FAM171A1: variants seen among roughly 807,000 people sequenced by gnomAD.
FAM171A1 encodes the protein family with sequence similarity 171 member A1, also known as protein FAM171A1.
In FAM171A1, 23 loss-of-function variants were observed where a neutral mutation model predicts 74.9. The ratio of observed to expected loss-of-function variants is 0.31; its 90% CI spans 0.22 to 0.44. FAM171A1 has a LOEUF of 0.44. Ranked by LOEUF, FAM171A1 falls within the 20% of genes least tolerant of loss-of-function variation. The pLI is 1.00. For synonymous variants in FAM171A1, 527 were observed against 505.7 expected (o/e 1.04, Z -0.57); for missense variants, 1,162 against 1,159.2 (o/e 1.00, Z -0.03).
chr10:15,285,213 A>G (rs570120008), intron 1 of FAM171A1, among the ~76,000 whole-genome samples: 2 of 152,348 alleles, frequency 1.3e-5, no homozygotes, highest in South Asian at 4.1e-4. Flanking sequence ...GCTTAGAGGC[A>G]GGAAGACGCC....
chr10:15,298,138 C>G (rs1300727805), intron 1 of FAM171A1, among the ~76,000 whole-genome samples: 1 of 146,882 alleles, frequency 6.8e-6, no homozygotes, highest in South Asian at 2.1e-4. Flanking sequence ...TTTTCTTTTT[C>G]TTTTTTGAGA....
At chr10:15,233,940 A>C (rs1290130023) in intron 5 of FAM171A1, among the ~76,000 whole-genome samples, 1 of 152,086 alleles carries the variant, frequency 6.6e-6, no homozygotes, top group African/African-American at 2.4e-5. Context: ...AAAATGTGAT[A>C]CATGGCTGGA....
At chr10:15,233,996 A>T (rs1834247021) in intron 5 of FAM171A1, among the ~76,000 whole-genome samples, 1 of 152,146 alleles carries the variant, frequency 6.6e-6, no homozygotes, top group Non-Finnish European at 1.5e-5. Context: ...GGTCTTATGC[A>T]ACCTTGGAAG....
At position 15,329,501 on chromosome 10, in the gene FAM171A1, C is replaced by G. The variant is rs1028742188; in HGVS notation, c.97+41455G>C. Among the ~76,000 whole-genome samples, 5 of 152,228 alleles carry G rather than the reference C, an allele frequency of 3.3e-5. No individual in the cohort carries two copies. In the East Asian group the frequency reaches 7.7e-4, roughly 24 times the overall value. On this transcript the variant is annotated intron_variant, in intron 1 of 7. Transcript: ENST00000378116. Reference sequence around the variant, plus strand: ...ATTAGCCAGGCACACCTGTGCACATCTGGAGTCCCAGCTACTCAGGAGAAT... The same window carrying G: ...ATTAGCCAGGCACACCTGTGCACATGTGGAGTCCCAGCTACTCAGGAGAAT...
intron 3 of FAM171A1, among the ~76,000 whole-genome samples, chr10:15,256,220 G>T (rs930673054): frequency 6.6e-6 from 1 of 152,122 alleles, no homozygotes; most frequent in African/African-American, 2.4e-5. Context: ...TTTAACTCTG[G>T]ATCAAAGAAC....
At chr10:15,372,584 A>G (rs991781472), upstream of FAM171A1, among the ~76,000 whole-genome samples, 3 of 151,678 alleles carry the variant, frequency 2.0e-5, no homozygotes, top group Non-Finnish European at 4.4e-5. Flanking sequence ...TGTGGTCCCA[A>G]CTACTCAGGA....
At chr10:15,363,936 C>T (rs1836027715) in intron 1 of FAM171A1, among the ~76,000 whole-genome samples, 1 of 151,316 alleles carries the variant, frequency 6.6e-6, no homozygotes, top group Non-Finnish European at 1.5e-5. Flanking sequence ...TCAAATGGCC[C>T]TGGGCCCTGG....
In FAM171A1 at chr10:15,283,861, G is replaced by T; in HGVS notation, c.325+17C>A. On this transcript the variant is annotated intron_variant, in intron 2 of 7. Coordinates refer to ENST00000378116, the MANE Select transcript of FAM171A1 (RefSeq NM_001010924.2). ...GCCAATGCCCTCTGTGTTAAAGAAA[G>T]ATGAGGAACGCCTTACCAGGTAACC... The T allele has an allele frequency of 6.2e-7, 1 of 1,612,826 alleles. No homozygotes were observed.
At chr10:15,358,281 CT>C (rs1243867186) in intron 1 of FAM171A1, among the ~76,000 whole-genome samples, 1 of 152,016 alleles carries the variant, frequency 6.6e-6, no homozygotes, top group Non-Finnish European at 1.5e-5. Flanking sequence ...TGTCTAGAAG[CT>C]TTTTTAAAAA....
intron 1 of FAM171A1, among the ~76,000 whole-genome samples, chr10:15,349,761 G>T (rs1325665761): frequency 1.3e-5 from 2 of 152,080 alleles, no homozygotes; most frequent in Non-Finnish European, 2.9e-5. Flanking sequence ...TCTTGAAAGA[G>T]GTGGAACTTT....
At position 15,213,002 on chromosome 10, in the gene FAM171A1, G is replaced by T; in HGVS notation, c.2586C>A (p.Asp862Glu). 6.2e-7 allele frequency: 1 copy of T among 1,613,886 alleles called. No individual in the cohort carries two copies. Among genetic ancestry groups the T allele is most frequent in the Non-Finnish European group, 8.5e-7 (1 of 1,179,986 alleles). ...CTTCTCCTTGGTCATCATCATCATC[G>T]TCTTCCTCTTCCTCGTGGGCAGATC... Reference protein sequence around the residue: ...QRRSAHEEEEDDDDDDQGEDK... With the variant: ...QRRSAHEEEEEDDDDDQGEDK... Residue 862 changes from aspartate to glutamate, a missense_variant, in exon 8 of 8, where the codon GAC (aspartate) becomes GAA (glutamate). Asp to Glu is a conservative substitution (Grantham distance 45, BLOSUM62 2). Transcript: ENST00000378116. This position sits in a 1 kb window ranked among gnomAD's most constrained non-coding sequence, Gnocchi z 6.8.
chr10:15,307,646 CA>C lies in FAM171A1; in HGVS notation c.98-23542del, dbSNP rs560861841. ...GGGCAACAAGAGTGAAACTCCATTT[CA>C]AAAAAAAAAAAAAAAAAAAAAAATG... On this transcript the variant is annotated intron_variant, in intron 1 of 7. Transcript: ENST00000378116. Among the ~76,000 whole-genome samples, 677 of 93,088 alleles carry C rather than the reference CA, an allele frequency of 7.3e-3. 1 individual carries two copies. Among genetic ancestry groups the C allele is most frequent in the Middle Eastern group, 0.017 (3 of 180 alleles). 61.1% of individuals were successfully genotyped at this position (93,088 alleles called of 152,430 possible).
chr10:15,307,351 A>C (rs947184347), intron 1 of FAM171A1, among the ~76,000 whole-genome samples: 1 of 152,152 alleles, frequency 6.6e-6, no homozygotes, highest in Non-Finnish European at 1.5e-5. Context: ...CTTAAAGTAG[A>C]AAGCGACTTG....
intron 4 of FAM171A1, among the ~76,000 whole-genome samples, chr10:15,250,496 G>A (rs555274361): frequency 9.8e-5 from 15 of 152,346 alleles, no homozygotes; most frequent in African/African-American, 3.1e-4. Context: ...GCGCAGTGGC[G>A]CATGCCTGTA....
chr10:15,372,264 T>TC (rs1486285295), upstream of FAM171A1, among the ~76,000 whole-genome samples: 10 of 151,760 alleles, frequency 6.6e-5, no homozygotes, highest in South Asian at 2.1e-4. Flanking sequence ...GTTAGCATTA[T>TC]CCCCCCCATT....
At chr10:15,290,065 T>C (rs1331408409) in intron 1 of FAM171A1, among the ~76,000 whole-genome samples, 1 of 152,116 alleles carries the variant, frequency 6.6e-6, no homozygotes. Context: ...CCGTCTCTAC[T>C]AAAAATACAA....
chr10:15,333,866 A>AG (rs1319217629), intron 1 of FAM171A1, among the ~76,000 whole-genome samples: 4 of 151,670 alleles, frequency 2.6e-5, no homozygotes, highest in Non-Finnish European at 5.9e-5. Flanking sequence ...ACTAAAAAAA[A>AG]AAACTATTTC....
At chr10:15,268,076 G>A (rs1834770911) in intron 3 of FAM171A1, among the ~76,000 whole-genome samples, 1 of 152,192 alleles carries the variant, frequency 6.6e-6, no homozygotes, top group Non-Finnish European at 1.5e-5. Context: ...CCGGCTGTGT[G>A]GGAAGCCCTG....
chr10:15,348,834 G>C (rs927478088), intron 1 of FAM171A1, among the ~76,000 whole-genome samples: 6 of 152,162 alleles, frequency 3.9e-5, no homozygotes, highest in Non-Finnish European at 7.4e-5. Flanking sequence ...CGGGAGAACG[G>C]GCAGCAGCTG....
Sources: allele counts gnomAD v4.1 joint callset (sites outside exome capture counted in the v4.1 genomes callset), GRCh38; gene constraint gnomAD v4.1.1; non-coding constraint Gnocchi (gnomAD v3.1); transcripts MANE v1.5; gene names NCBI Gene and HGNC (gene_info 2026-07-23, HGNC 2026-07-21).